RNGTT: variants seen among roughly 807,000 people sequenced by gnomAD.
RNGTT encodes mRNA-capping enzyme.
RNGTT carries 33 observed loss-of-function variants against 79.3 expected under a neutral mutation model. The observed-to-expected ratio is 0.42, with a 90% CI of 0.32 to 0.56. The LOEUF (loss-of-function observed/expected upper bound fraction) is 0.56, where lower values mean the gene tolerates loss of function less well. Among genes scored for constraint, RNGTT ranks in the 20% least tolerant of loss-of-function variants. The pLI is 0.17. For missense variants in RNGTT, 497 were observed against 739.1 expected (o/e 0.67, Z 3.80); for synonymous variants, 222 against 235.9 (o/e 0.94, Z 0.54).
At chr6:88,851,317 A>C (rs1336156080) in intron 9 of RNGTT, among the ~76,000 whole-genome samples, 1 of 151,956 alleles carries the variant, frequency 6.6e-6, no homozygotes, top group African/African-American at 2.4e-5. Flanking sequence ...ATGTTATATA[A>C]TTATTAGCAC....
rs567093228 is a variant in RNGTT, at chr6:88,927,783, G to A, written c.367+1202C>T. ...TGGGAGGCAGAGGTTGCAGTGAGCCGAGATCACTCCACTGCACTCCAGCCT... is the reference window on the plus strand; with the variant it reads ...TGGGAGGCAGAGGTTGCAGTGAGCCAAGATCACTCCACTGCACTCCAGCCT... On this transcript the variant is annotated intron_variant, in intron 4 of 15. Coordinates refer to ENST00000369485, the MANE Select transcript of RNGTT (RefSeq NM_003800.5). Among the ~76,000 whole-genome samples, 15 of 148,568 alleles carry A rather than the reference G, an allele frequency of 1.0e-4. No individual in the cohort carries two copies. In the South Asian group the frequency reaches 1.9e-3, roughly 19 times the overall value.
chr6:88,691,296 T>C (rs993010003), intron 13 of RNGTT, among the ~76,000 whole-genome samples: 2 of 152,218 alleles, frequency 1.3e-5, no homozygotes, highest in Non-Finnish European at 2.9e-5. Context: ...TCCACCATGA[T>C]TGTAAGTTTT....
At position 88,908,836 on chromosome 6, in the gene RNGTT, C is replaced by G. The variant is rs145170109; in HGVS notation, c.368-2396G>C. On this transcript the variant is annotated intron_variant, in intron 4 of 15. Coordinates refer to ENST00000369485, the MANE Select transcript of RNGTT (RefSeq NM_003800.5). The stretch of plus-strand genomic sequence containing the variant: ...ATCCACATGCCCCTTTGCCTGCCAA[C>G]TCTTCAAAGACTGCCTGCCTGGCTG... 2.6e-3 allele frequency among the ~76,000 whole-genome samples: 402 copies of G among 152,312 alleles called. 2 individuals are homozygous for G. The highest frequency in any genetic ancestry group is 9.2e-3 in the African/African-American group (384 of 41,558).
chr6:88,737,850 C>T (rs555017556), intron 13 of RNGTT, among the ~76,000 whole-genome samples: 1 of 152,292 alleles, frequency 6.6e-6, no homozygotes, highest in African/African-American at 2.4e-5. Flanking sequence ...GAGACTAAGA[C>T]AAACATGAAT....
At chr6:88,670,431 G>A (rs73494417) in intron 14 of RNGTT, among the ~76,000 whole-genome samples, 2,537 of 152,116 alleles carry the variant, frequency 0.017, 52 homozygotes, top group African/African-American at 0.046. Context: ...GGTCTGTCTC[G>A]CAAAAAGACC....
intron 13 of RNGTT, among the ~76,000 whole-genome samples, chr6:88,760,155 G>T (rs1019891355): frequency 2.3e-4 from 35 of 152,244 alleles, no homozygotes; most frequent in African/African-American, 8.4e-4. Flanking sequence ...CTCCAGTGAG[G>T]TCATAAGTAG....
At chr6:88,749,686 A>G (rs1777779844) in intron 13 of RNGTT, among the ~76,000 whole-genome samples, 1 of 152,290 alleles carries the variant, frequency 6.6e-6, no homozygotes, top group East Asian at 1.9e-4. Context: ...AGATCTAAAT[A>G]TAAGGAGAGA....
intron 13 of RNGTT, among the ~76,000 whole-genome samples, chr6:88,691,190 C>G (rs560343497): frequency 6.6e-6 from 1 of 152,188 alleles, no homozygotes; most frequent in East Asian, 1.9e-4. Context: ...TGAGTTCTCA[C>G]GAGACATGGT....
chr6:88,830,862 C>T (rs1780838209), intron 11 of RNGTT, among the ~76,000 whole-genome samples: 2 of 152,288 alleles, frequency 1.3e-5, no homozygotes, highest in South Asian at 2.1e-4. Flanking sequence ...TTCCTCGACA[C>T]ATACACTCTC....
chr6:88,805,087 A>G (rs1241055807), intron 11 of RNGTT, among the ~76,000 whole-genome samples: 1 of 152,222 alleles, frequency 6.6e-6, no homozygotes, highest in African/African-American at 2.4e-5. Flanking sequence ...ATGATAATAA[A>G]AAAGCAGATA....
intron 13 of RNGTT, among the ~76,000 whole-genome samples, chr6:88,700,054 G>A (rs1775893813): frequency 6.6e-6 from 1 of 152,110 alleles, no homozygotes; most frequent in African/African-American, 2.4e-5. Flanking sequence ...ATTTGAAAAT[G>A]GTTTCAATGC....
chr6:88,741,914 T>C (rs1463949766), intron 13 of RNGTT, among the ~76,000 whole-genome samples: 1 of 152,234 alleles, frequency 6.6e-6, no homozygotes, highest in Non-Finnish European at 1.5e-5. Flanking sequence ...GACCTGATCT[T>C]TCCGTTGCTA....
chr6:88,954,653 T>G (rs1785367390), intron 1 of RNGTT, among the ~76,000 whole-genome samples: 2 of 151,176 alleles, frequency 1.3e-5, no homozygotes, highest in South Asian at 2.1e-4. Context: ...ATATTTAGTC[T>G]CAATAAATTT....
At chr6:88,954,144 C>T (rs781247728) in intron 1 of RNGTT, among the ~76,000 whole-genome samples, 3 of 152,118 alleles carry the variant, frequency 2.0e-5, no homozygotes, top group Non-Finnish European at 4.4e-5. Flanking sequence ...ACTGTATTAA[C>T]ATTGAATAGA....
At chr6:88,755,030 C>T (rs9451072) in intron 13 of RNGTT, among the ~76,000 whole-genome samples, 4,000 of 152,172 alleles carry the variant, frequency 0.026, 176 homozygotes, top group African/African-American at 0.091. Context: ...ATTTCTCTAG[C>T]GCCACTGGGT....
chr6:88,959,872 A>G (rs1015555476), intron 1 of RNGTT, among the ~76,000 whole-genome samples: 7 of 152,188 alleles, frequency 4.6e-5, no homozygotes, highest in Non-Finnish European at 8.8e-5. Flanking sequence ...CCTCACTTAC[A>G]TCTTCCAGAA....
intron 11 of RNGTT, among the ~76,000 whole-genome samples, chr6:88,814,789 T>G (rs191793795): frequency 9.3e-4 from 142 of 152,054 alleles, no homozygotes; most frequent in African/African-American, 3.3e-3. Flanking sequence ...GTAGAGAGAT[T>G]TAAAAAAAAG....
chr6:88,616,994 C>T (rs1444308562), intron 14 of RNGTT, among the ~76,000 whole-genome samples: 3 of 152,144 alleles, frequency 2.0e-5, no homozygotes, highest in East Asian at 3.8e-4. Flanking sequence ...TTGTCCTGGC[C>T]GGGCACAGTG....
intron 11 of RNGTT, among the ~76,000 whole-genome samples, chr6:88,837,840 A>G (rs1339314375): frequency 6.6e-6 from 1 of 152,196 alleles, no homozygotes; most frequent in African/African-American, 2.4e-5. Context: ...TAAAGGCAGT[A>G]TATCATACTC....
Sources: allele counts gnomAD v4.1 joint callset (sites outside exome capture counted in the v4.1 genomes callset), GRCh38; gene constraint gnomAD v4.1.1; transcripts MANE v1.5; gene names NCBI Gene and HGNC (gene_info 2026-07-23, HGNC 2026-07-21).